Variants in DYSF observed in about 807,000 individuals in gnomAD.
The protein encoded by DYSF is dysferlin, also known as dystrophy-associated fer-1-like 1.
Under a neutral mutation model 274.9 loss-of-function variants are expected in DYSF, and 212 were observed. That is an observed-to-expected ratio of 0.77 (90% CI 0.69 to 0.86). The LOEUF is 0.86. DYSF is among the 40% of genes least tolerant of loss of function. The pLI, the probability that DYSF is intolerant of heterozygous loss-of-function variation, is 0.00. For synonymous variants in DYSF, 1,091 were observed against 1,078.7 expected (o/e 1.01, Z -0.22); for missense variants, 2,666 against 2,783.2 (o/e 0.96, Z 0.95).
At chr2:71,637,984 T>G (rs116379781) in intron 41 of DYSF, among the ~76,000 whole-genome samples, 4,496 of 152,000 alleles carry the variant, frequency 0.03, 208 homozygotes, top group African/African-American at 0.1. Flanking sequence ...CAGCTGTGAG[T>G]CTGCTGGGGA....
intron 41 of DYSF, among the ~76,000 whole-genome samples, chr2:71,620,959 G>A (rs1438399407): frequency 6.6e-6 from 1 of 152,082 alleles, no homozygotes; most frequent in Non-Finnish European, 1.5e-5. Context: ...TCTTCTGGGC[G>A]TGGGACCTCA....
At chr2:71,668,393 G>C (rs557437727) in intron 48 of DYSF, among the ~76,000 whole-genome samples, 62 of 152,284 alleles carry the variant, frequency 4.1e-4, no homozygotes, top group Non-Finnish European at 7.5e-4. Flanking sequence ...GGGGTGGGCA[G>C]GGAGAGTGAT....
intron 13 of DYSF, among the ~76,000 whole-genome samples, chr2:71,527,854 T>TA (rs1006459314): frequency 1.3e-3 from 193 of 148,746 alleles, no homozygotes; most frequent in African/African-American, 2.9e-3. Flanking sequence ...TAAAAACTCT[T>TA]AAAAAAAAAA....
upstream of DYSF, among the ~76,000 whole-genome samples, chr2:71,465,070 A>C (rs2081444644): frequency 6.6e-6 from 1 of 152,020 alleles, no homozygotes; most frequent in Non-Finnish European, 1.5e-5. Flanking sequence ...AAAAGGGAGA[A>C]ATGACCAGTA....
intron 1 of DYSF, among the ~76,000 whole-genome samples, chr2:71,477,909 C>G (rs1213139719): frequency 1.3e-5 from 2 of 152,106 alleles, no homozygotes; most frequent in African/African-American, 4.8e-5. Context: ...GGATTTTCTT[C>G]ATAGACATCA....
chr2:71,537,006 C>G (rs2089413335), intron 16 of DYSF, among the ~76,000 whole-genome samples: 1 of 152,042 alleles, frequency 6.6e-6, no homozygotes, highest in African/African-American at 2.4e-5. Flanking sequence ...CAAACCACCC[C>G]CTACCTCCAT....
intron 27 of DYSF, 147 bp from the exon 28 acceptor site, chr2:71,570,082 T>C: frequency 9.5e-7 from 1 of 1,055,784 alleles, no homozygotes; most frequent in East Asian, 2.5e-5. Context: ...AAGTGTGGGG[T>C]GCAGTGGTGG....
At chr2:71,617,857 T>TAGAG (rs2093935784) in intron 40 of DYSF, among the ~76,000 whole-genome samples, 2 of 26,528 alleles carry the variant, frequency 7.5e-5, no homozygotes, top group African/African-American at 1.0e-4. Flanking sequence ...AGAGATGGGG[T>TAGAG]GTGTGTGTGT....
rs79084610 is a variant in DYSF, at chr2:71,512,003, C to T, written c.460+82C>T. The T allele has an allele frequency of 0.042, 38,748 of 923,876 alleles. 1,049 individuals are homozygous for T. Among genetic ancestry groups the T allele is most frequent in the Middle Eastern group, 0.051 (163 of 3,182 alleles). 57.2% of individuals were successfully genotyped at this position (923,876 alleles called of 1,614,324 possible). A position where few individuals can be genotyped will look rare whatever the true frequency, so the allele number is the denominator to read the frequency against. ...TGAGCCTGGGGGCTGGGAGCTGCAG[C>T]GAGGCTTCCCAGCCTTTGCTGCCCT... On this transcript the variant is annotated intron_variant, in intron 5 of 55. Coordinates refer to ENST00000410020, the MANE Select transcript of DYSF (RefSeq NM_001130987.2).
At chr2:71,679,893 T>A (rs2095274912) in intron 53 of DYSF, among the ~76,000 whole-genome samples, 2 of 152,322 alleles carry the variant, frequency 1.3e-5, no homozygotes, top group South Asian at 2.1e-4. Context: ...AAAGCATTTT[T>A]AAAAAGGTTT....
chr2:71,614,627 T>C (rs1345514818), intron 40 of DYSF, among the ~76,000 whole-genome samples: 1 of 152,194 alleles, frequency 6.6e-6, no homozygotes, highest in African/African-American at 2.4e-5. Flanking sequence ...CTGCTGTCTC[T>C]GTCAATGTTA....
chr2:71,604,928 C>T (rs1233957137), intron 36 of DYSF, among the ~76,000 whole-genome samples: 2 of 152,096 alleles, frequency 1.3e-5, no homozygotes, highest in Non-Finnish European at 2.9e-5. Context: ...GGCATGTCAC[C>T]TCCTGGATGT....
intron 16 of DYSF, among the ~76,000 whole-genome samples, chr2:71,537,796 G>C (rs1559106476): frequency 6.6e-6 from 1 of 152,110 alleles, no homozygotes; most frequent in African/African-American, 2.4e-5. Context: ...ATGGGGCTGG[G>C]ATGTGTCATC....
rs794727590 is a variant in DYSF, at chr2:71,602,814, G to A, written c.3957+9G>A. On this transcript the variant is annotated intron_variant, in intron 36 of 55. Transcript: ENST00000410020. The stretch of plus-strand genomic sequence containing the variant: ...CAAGGATCCTGGATGAGGTGAGCTG[G>A]GCGTGGTGGTTGGGATGGGTGGGCC... 5 of 1,613,040 alleles carry A rather than the reference G, an allele frequency of 3.1e-6. No homozygotes were observed. Among genetic ancestry groups the A allele is most frequent in the Non-Finnish European group, 4.2e-6 (5 of 1,179,918 alleles).
chr2:71,519,390 A>G (rs2086989930), intron 10 of DYSF, among the ~76,000 whole-genome samples: 1 of 152,150 alleles, frequency 6.6e-6, no homozygotes, highest in Non-Finnish European at 1.5e-5. Flanking sequence ...GTAATCTATG[A>G]TTTAAAAAAA....
chr2:71,491,613 C>T (rs2152697362), intron 3 of DYSF, among the ~76,000 whole-genome samples: 1 of 152,272 alleles, frequency 6.6e-6, no homozygotes, highest in African/African-American at 2.4e-5. Flanking sequence ...CCTCTATGTG[C>T]CCATGTGTTC....
rs759198745 is a variant in DYSF, at chr2:71,679,104, G to A, written c.5932G>A (p.Ala1978Thr). The change falls in exon 53 of 56, where the codon GCC becomes ACC. Residue 1978 changes from alanine (A) to threonine (T), a missense_variant. Ala to Thr is a moderately conservative substitution (Grantham distance 58, BLOSUM62 0). Coordinates refer to ENST00000410020, the MANE Select transcript of DYSF (RefSeq NM_001130987.2). Reference sequence around the variant, plus strand: ...CCGCATGCCCAAGCCAGCCAAGACAGCCAAGAAGTGCTCCTTGGACCAGCT... The same window carrying A: ...CCGCATGCCCAAGCCAGCCAAGACAACCAAGAAGTGCTCCTTGGACCAGCT... ...LNRMPKPAKTAKKCSLDQLDD... is the reference protein window; with the variant it reads ...LNRMPKPAKTTKKCSLDQLDD... The A allele has an allele frequency of 4.3e-6, 7 of 1,613,910 alleles. No homozygotes were observed. In the Admixed American group the frequency reaches 1.2e-4, roughly 27 times the overall value.
chr2:71,617,038 G>A (rs894397186), intron 40 of DYSF, among the ~76,000 whole-genome samples: 41 of 152,116 alleles, frequency 2.7e-4, no homozygotes, highest in Non-Finnish European at 2.9e-5. Context: ...GGGTCTTGAA[G>A]CTCCAAATAG....
At position 71,602,885 on chromosome 2, in the gene DYSF, C is replaced by A. The variant is rs143574884; in HGVS notation, c.3957+80C>A. ...CCAGCCTTCAAGCACACACCTGGAG[C>A]CTTCCAGGTTCCTGGTGCCCAGCAG... On this transcript the variant is annotated intron_variant, in intron 36 of 55. Transcript: ENST00000410020. 1,297 of 1,538,994 alleles carry A rather than the reference C, an allele frequency of 8.4e-4. 17 individuals are homozygous for A. The African/African-American group carries it at 0.016, about 18-fold the overall frequency.
Sources: gnomAD v4.1 joint callset for allele counts (sites outside exome capture counted in the v4.1 genomes callset) on GRCh38, gnomAD v4.1.1 for gene constraint, MANE v1.5 for transcripts, NCBI Gene and HGNC (gene_info 2026-07-23, HGNC 2026-07-21) for gene names.